Variants in STPG1 observed in about 807,000 individuals in gnomAD.
STPG1 encodes O(6)-methylguanine-induced apoptosis 2.
Under a neutral mutation model 40.1 loss-of-function variants are expected in STPG1, and 33 were observed. The observed-to-expected ratio is 0.82, with a 90% CI of 0.62 to 1.10. The LOEUF (loss-of-function observed/expected upper bound fraction) is 1.10, where lower values mean the gene tolerates loss of function less well. Ranked by LOEUF, STPG1 falls within the 50% of genes least tolerant of loss-of-function variation. STPG1 has a pLI of 0.00. For missense variants in STPG1, 396 were observed against 415.1 expected, an observed-to-expected ratio of 0.95 and a Z score of 0.40; for synonymous variants, 150 against 155.0, an observed-to-expected ratio of 0.97 and a Z score of 0.24.
At chr1:24,370,713 G>A (rs1334944079) in intron 6 of STPG1, among the ~76,000 whole-genome samples, 2 of 151,692 alleles carry the variant, frequency 1.3e-5, no homozygotes, top group South Asian at 2.1e-4. Flanking sequence ...GGATGGTCTC[G>A]ATCTCCTGAC....
At chr1:24,386,003 C>A (rs1034597734) in intron 3 of STPG1, among the ~76,000 whole-genome samples, 1 of 152,204 alleles carries the variant, frequency 6.6e-6, no homozygotes, top group Non-Finnish European at 1.5e-5. Context: ...CACTCTGAAC[C>A]TGACCATCAG....
At chr1:24,374,247 TTTTTTTTTTG>T (rs1439044944) in intron 5 of STPG1, among the ~76,000 whole-genome samples, 11 of 85,908 alleles carry the variant, frequency 1.3e-4, no homozygotes, top group East Asian at 7.3e-4. Context: ...GGAAAGTGTT[TTTTTTTTTTG>T]TTTTTTTTTT....
intron 2 of STPG1, among the ~76,000 whole-genome samples, chr1:24,400,609 C>A (rs762618714): frequency 6.6e-6 from 1 of 152,144 alleles, no homozygotes; most frequent in Non-Finnish European, 1.5e-5. Context: ...AGAGCAGCAG[C>A]GACTCTGGAA....
intron 3 of STPG1, among the ~76,000 whole-genome samples, chr1:24,389,031 T>C (rs1366722228): frequency 2.0e-5 from 3 of 152,186 alleles, no homozygotes; most frequent in African/African-American, 4.8e-5. Flanking sequence ...TCTAAAATGC[T>C]TACAAATGCT....
intron 7 of STPG1, among the ~76,000 whole-genome samples, chr1:24,363,923 C>T (rs1569975067): frequency 6.6e-6 from 1 of 152,260 alleles, no homozygotes; most frequent in East Asian, 1.9e-4. Flanking sequence ...CTCCATTCAC[C>T]AGTGATTTCC....
intron 5 of STPG1, among the ~76,000 whole-genome samples, chr1:24,377,564 A>G (rs1642087732): frequency 6.6e-6 from 1 of 152,140 alleles, no homozygotes; most frequent in Non-Finnish European, 1.5e-5. Context: ...CCACCAAGTC[A>G]GAGAAGGCTG....
chr1:24,365,971 A>C (rs1478990538), intron 7 of STPG1, among the ~76,000 whole-genome samples: 1 of 152,084 alleles, frequency 6.6e-6, no homozygotes, highest in African/African-American at 2.4e-5. Context: ...TGGCCTCCTG[A>C]GCTTTGGTCA....
At position 24,379,640 on chromosome 1, in the gene STPG1, G is replaced by T; in HGVS notation, c.462+13C>A. The T allele has an allele frequency of 6.2e-7, 1 of 1,613,310 alleles. No individual in the cohort carries two copies. The highest frequency in any genetic ancestry group is 8.5e-7 in the Non-Finnish European group (1 of 1,179,284). On this transcript the variant is annotated intron_variant, in intron 5 of 8. Transcript: ENST00000337248. The stretch of plus-strand genomic sequence containing the variant: ...TTCGATCTGTATTTAGCAAGCATAG[G>T]CAGAGTTCTTACATTGTAATAGTTT...
chr1:24,403,853 G>A (rs537569006), intron 1 of STPG1, among the ~76,000 whole-genome samples: 4 of 151,602 alleles, frequency 2.6e-5, no homozygotes, highest in Non-Finnish European at 4.4e-5. Context: ...CTTTTTTGTC[G>A]ATTAGGAATT....
chr1:24,371,017 C>T (rs1216100780), intron 6 of STPG1, among the ~76,000 whole-genome samples: 1 of 152,120 alleles, frequency 6.6e-6, no homozygotes, highest in Non-Finnish European at 1.5e-5. Flanking sequence ...TCTCAAGAAA[C>T]TGTGACAGAA....
intron 7 of STPG1, among the ~76,000 whole-genome samples, chr1:24,364,686 C>T (rs914789785): frequency 2.0e-5 from 3 of 152,132 alleles, no homozygotes; most frequent in Admixed American, 1.3e-4. Flanking sequence ...CCCTCCATGT[C>T]GAGGTGGGGC....
At chr1:24,381,139 C>T (rs6692646) in intron 4 of STPG1, among the ~76,000 whole-genome samples, 60,296 of 151,850 alleles carry the variant, frequency 0.4, 12,296 homozygotes, top group African/African-American at 0.48. Context: ...AAGCAGTCAG[C>T]CTCCACTACA....
chr1:24,395,261 G>A lies in STPG1; in HGVS notation c.71-3582C>T, dbSNP rs752453307. On this transcript the variant is annotated intron_variant, in intron 2 of 8. Transcript: ENST00000337248. ...AAACTTTTAAAACTATATAAATATTGAAAGAATCATCAGCAAATGGGAGCT... is the reference window on the plus strand; with the variant it reads ...AAACTTTTAAAACTATATAAATATTAAAAGAATCATCAGCAAATGGGAGCT... Among the ~76,000 whole-genome samples the A allele has an allele frequency of 1.7e-3, 254 of 151,908 alleles. 1 individual carries two copies. Among genetic ancestry groups the A allele is most frequent in the Non-Finnish European group, 2.9e-3 (199 of 67,962 alleles).
chr1:24,364,558 C>T (rs1490633731), intron 7 of STPG1: 1 of 1,012,058 alleles, frequency 9.9e-7, no homozygotes, highest in Non-Finnish European at 1.3e-6. Flanking sequence ...TTTGAGGCCC[C>T]TAGCCCTATC....
intron 1 of STPG1, among the ~76,000 whole-genome samples, chr1:24,409,000 T>G (rs1479549203): frequency 6.6e-6 from 1 of 152,176 alleles, no homozygotes; most frequent in Non-Finnish European, 1.5e-5. Context: ...AGATTCAAAA[T>G]AACAGAAACA....
chr1:24,386,325 G>A (rs1642501985), intron 3 of STPG1, among the ~76,000 whole-genome samples: 1 of 152,204 alleles, frequency 6.6e-6, no homozygotes, highest in African/African-American at 2.4e-5. Context: ...AAGGCAAATG[G>A]CAAGAAGGCT....
intron 1 of STPG1, among the ~76,000 whole-genome samples, chr1:24,403,640 A>G (rs1368199424): frequency 6.6e-6 from 1 of 152,104 alleles, no homozygotes; most frequent in Non-Finnish European, 1.5e-5. Context: ...TCTCAGCAAT[A>G]TTTTACAGTT....
chr1:24,413,448 G>C (rs775476146), intron 1 of STPG1, among the ~76,000 whole-genome samples: 3 of 152,232 alleles, frequency 2.0e-5, no homozygotes, highest in Non-Finnish European at 4.4e-5. Context: ...AGCCCCAGTT[G>C]TCACCACTTT....
rs982033569 is a variant in STPG1 at position 24,383,956 on chromosome 1, C to T, written c.237G>A (p.Pro79=). ...PGFYNVIHQS[P]VSNSVSLSKK... is the part of the protein sequence containing the mutation. ...TGGACAATGAGACACTGTTGGACAC[C>T]GGTGACTGGTGAATAACATTGTAGA... Residue 79 remains proline, a synonymous_variant, in exon 4 of 9, where the codon CCG becomes CCA. Transcript: ENST00000337248. 1.5e-5 allele frequency: 25 copies of T among 1,613,920 alleles called. No individual in the cohort carries two copies. Among genetic ancestry groups the T allele is most frequent in the South Asian group, 1.3e-4 (12 of 91,082 alleles).
Sources: gnomAD v4.1 joint callset for allele counts (sites outside exome capture counted in the v4.1 genomes callset) on GRCh38, gnomAD v4.1.1 for gene constraint, MANE v1.5 for transcripts, NCBI Gene and HGNC (gene_info 2026-07-23, HGNC 2026-07-21) for gene names.